Variants in CACNA1A observed in about 807,000 individuals in gnomAD.
The protein encoded by CACNA1A is calcium voltage-gated channel subunit alpha1 A, also known as voltage-dependent P/Q-type calcium channel subunit alpha-1A.
In CACNA1A, 57 loss-of-function variants were observed where a neutral mutation model predicts 262.4. That is an observed-to-expected ratio of 0.22 (90% CI 0.18 to 0.27). The LOEUF (loss-of-function observed/expected upper bound fraction) is 0.27, where lower values mean the gene tolerates loss of function less well. Ranked by LOEUF, CACNA1A falls within the 10% of genes least tolerant of loss-of-function variation. The probability of loss-of-function intolerance (pLI) is 1.00; values close to 1 mark genes in which losing one functional copy is unlikely to be tolerated. For missense variants in CACNA1A, 2,526 were observed against 3,562.8 expected, an observed-to-expected ratio of 0.71 and a Z score of 7.41; for synonymous variants, 1,431 against 1,419.3, an observed-to-expected ratio of 1.01 and a Z score of -0.18.
intron 3 of CACNA1A, among the ~76,000 whole-genome samples, chr19:13,427,175 T>C (rs930419407): frequency 6.6e-6 from 1 of 152,024 alleles, no homozygotes; most frequent in Non-Finnish European, 1.5e-5. Context: ...CCCCAGGGCA[T>C]GCGTGGTGGC....
intron 26 of CACNA1A, 126 bp downstream of exon 26, chr19:13,261,324 A>G: frequency 1.3e-6 from 1 of 793,372 alleles, no homozygotes; most frequent in Non-Finnish European, 2.0e-6. Context: ...AGCTGGTTGC[A>G]ACTGAGTCAC....
intron 37 of CACNA1A, chr19:13,225,971 C>G (rs976350869): frequency 6.6e-6 from 1 of 152,054 alleles, no homozygotes; most frequent in Non-Finnish European, 1.5e-5. Context: ...GGATTACAGG[C>G]ATGAGCCACC....
intron 6 of CACNA1A, among the ~76,000 whole-genome samples, chr19:13,346,621 T>C (rs2058769155): frequency 2.7e-4 from 1 of 3,662 alleles, no homozygotes. Flanking sequence ...ATTGATTATA[T>C]ATATATATAT....
intron 35 of CACNA1A, among the ~76,000 whole-genome samples, 186 bp from the exon 36 acceptor site, chr19:13,230,395 G>C (rs951781967): frequency 6.6e-6 from 1 of 152,086 alleles, no homozygotes; most frequent in Admixed American, 6.5e-5. Context: ...AAAGAGACTG[G>C]GGAATGGAGA....
intron 1 of CACNA1A, among the ~76,000 whole-genome samples, chr19:13,501,814 T>G (rs1425442202): frequency 6.6e-6 from 1 of 152,204 alleles, no homozygotes. Context: ...AATTAAGACT[T>G]CAAACTGAAG....
chr19:13,309,095 G>A (rs1197745282), intron 12 of CACNA1A, among the ~76,000 whole-genome samples: 2 of 151,994 alleles, frequency 1.3e-5, no homozygotes, highest in African/African-American at 2.4e-5. Context: ...TGCAACCTCC[G>A]CCTCCCAGGT....
intron 22 of CACNA1A, among the ~76,000 whole-genome samples, chr19:13,281,231 A>G (rs1168749011): frequency 6.6e-6 from 1 of 151,894 alleles, no homozygotes; most frequent in African/African-American, 2.4e-5. Context: ...TTTAAAAATT[A>G]GCTGGGTGTG....
intron 12 of CACNA1A, among the ~76,000 whole-genome samples, chr19:13,311,272 G>A (rs1368836902): frequency 6.6e-6 from 1 of 152,060 alleles, no homozygotes; most frequent in East Asian, 1.9e-4. Context: ...ATTAATTTTT[G>A]TAGAGACAGG....
intron 22 of CACNA1A, among the ~76,000 whole-genome samples, chr19:13,279,995 GAC>G (rs1415138881): frequency 6.6e-6 from 1 of 151,782 alleles, no homozygotes; most frequent in African/African-American, 2.4e-5. Context: ...TTTTGGTAGA[GAC>G]GGGGTTTCAC....
rs533297364 is a variant in CACNA1A at position 13,433,460 on chromosome 19, C to CAAAAAAAAAAAAAAAAAAAAAA, written c.539+19394_539+19415dup. On this transcript the variant is annotated intron_variant, in intron 3 of 46. Coordinates refer to ENST00000360228, the MANE Select transcript of CACNA1A (RefSeq NM_001127222.2). ...TCGGCAACAAAGCAAGACGCTGTCT[C>CAAAAAAAAAAAAAAAAAAAAAA]AAAAAAAAAAAAAAAAAAAAAAAGT... 1.9e-3 allele frequency among the ~76,000 whole-genome samples: 147 copies of CAAAAAAAAAAAAAAAAAAAAAA among 76,186 alleles called. 9 individuals are homozygous for CAAAAAAAAAAAAAAAAAAAAAA. The highest frequency in any genetic ancestry group is 7.6e-3 in the Middle Eastern group (1 of 132). 50.0% of individuals were successfully genotyped at this position (76,186 alleles called of 152,430 possible). A position where few individuals can be genotyped will look rare whatever the true frequency, so the allele number is the denominator to read the frequency against.
intron 31 of CACNA1A, among the ~76,000 whole-genome samples, chr19:13,242,123 C>T (rs1310227739): frequency 6.6e-6 from 1 of 152,126 alleles, no homozygotes; most frequent in East Asian, 1.9e-4. Flanking sequence ...GACCCAAACA[C>T]CCACCCCCTA....
At chr19:13,216,478 C>T (rs552738467) in intron 38 of CACNA1A, among the ~76,000 whole-genome samples, 11 of 152,202 alleles carry the variant, frequency 7.2e-5, no homozygotes, top group African/African-American at 2.4e-4. Flanking sequence ...GCTGGGATTA[C>T]AGACATCTGC....
intron 19 of CACNA1A, among the ~76,000 whole-genome samples, chr19:13,295,033 C>A (rs1402962771): frequency 6.6e-6 from 1 of 152,196 alleles, no homozygotes; most frequent in East Asian, 1.9e-4. Flanking sequence ...CTACTCCCTT[C>A]TCAGATTGCT....
intron 1 of CACNA1A, among the ~76,000 whole-genome samples, 161 bp from the exon 2 acceptor site, chr19:13,455,373 G>T (rs2060988605): frequency 6.6e-6 from 1 of 152,120 alleles, no homozygotes; most frequent in South Asian, 2.1e-4. Context: ...GTAGATCCCT[G>T]CAGATCTCAA....
intron 30 of CACNA1A, among the ~76,000 whole-genome samples, chr19:13,249,767 G>A (rs2056347325): frequency 6.6e-6 from 1 of 152,122 alleles, no homozygotes; most frequent in Non-Finnish European, 1.5e-5. Context: ...GGGGAGGATG[G>A]CTCCTTTTAA....
intron 3 of CACNA1A, among the ~76,000 whole-genome samples, chr19:13,374,352 A>G (rs192325174): frequency 6.6e-6 from 1 of 152,278 alleles, no homozygotes; most frequent in Non-Finnish European, 1.5e-5. Flanking sequence ...GGCTCAAGCG[A>G]TCCTCCCACC....
intron 20 of CACNA1A, 128 bp downstream of exon 20, chr19:13,286,375 T>C: frequency 2.1e-6 from 1 of 484,422 alleles, no homozygotes; most frequent in Non-Finnish European, 3.6e-6. Flanking sequence ...ACTACGCCTA[T>C]GCCCATTTTC....
chr19:13,406,944 C>T (rs2060022705), intron 3 of CACNA1A, among the ~76,000 whole-genome samples: 1 of 151,238 alleles, frequency 6.6e-6, no homozygotes, highest in Non-Finnish European at 1.5e-5. Flanking sequence ...CACACACACA[C>T]AAACACACAC....
At chr19:13,366,992 T>C (rs182882136) in intron 4 of CACNA1A, among the ~76,000 whole-genome samples, 55 of 152,058 alleles carry the variant, frequency 3.6e-4, no homozygotes, top group African/African-American at 1.2e-3. Context: ...AGAGAATGCA[T>C]GAGAAATGGC....
Sources: allele counts gnomAD v4.1 joint callset (sites outside exome capture counted in the v4.1 genomes callset), GRCh38; gene constraint gnomAD v4.1.1; transcripts MANE v1.5; gene names NCBI Gene and HGNC (gene_info 2026-07-23, HGNC 2026-07-21).